The following FAM13A variants were observed in gnomAD, a reference collection of about 807,000 sequenced individuals.
FAM13A encodes the protein family with sequence similarity 13 member A.
Under a neutral mutation model 129.6 loss-of-function variants are expected in FAM13A, and 76 were observed. That is an observed-to-expected ratio of 0.59 (90% CI 0.49 to 0.71). FAM13A has a LOEUF of 0.71. Among genes scored for constraint, FAM13A ranks in the 30% least tolerant of loss-of-function variants. The pLI, the probability that FAM13A is intolerant of heterozygous loss-of-function variation, is 0.00. For synonymous variants in FAM13A, 443 were observed against 449.9 expected, an observed-to-expected ratio of 0.98 and a Z score of 0.20; for missense variants, 1,108 against 1,249.3, an observed-to-expected ratio of 0.89 and a Z score of 1.70.
intron 11 of FAM13A, among the ~76,000 whole-genome samples, chr4:88,769,436 T>C (rs557344990): frequency 1.4e-4 from 21 of 152,350 alleles, no homozygotes; most frequent in African/African-American, 5.0e-4. Context: ...TTGCCAATTA[T>C]ATGACCCTAC....
intron 6 of FAM13A, among the ~76,000 whole-genome samples, chr4:88,876,677 T>C (rs192751260): frequency 2.8e-4 from 43 of 152,196 alleles, no homozygotes; most frequent in African/African-American, 5.1e-4. Flanking sequence ...CTGCAAGCTC[T>C]GCCTCCCGAG....
At position 88,945,990 on chromosome 4, in the gene FAM13A, G is replaced by GTATATATATATA. The variant is rs199936059; in HGVS notation, c.606-7761_606-7750dup. Among the ~76,000 whole-genome samples the GTATATATATATA allele has an allele frequency of 4.5e-3, 278 of 61,648 alleles. 5 individuals are homozygous for GTATATATATATA. The highest frequency in any genetic ancestry group is 0.02 in the Middle Eastern group (2 of 100). 40.4% of individuals were successfully genotyped at this position (61,648 alleles called of 152,430 possible). A position where few individuals can be genotyped will look rare whatever the true frequency, so the allele number is the denominator to read the frequency against. On this transcript the variant is annotated intron_variant, in intron 4 of 23. Transcript: ENST00000264344. ...TGTGTGTGTGTGTGTGTGTGTGTGTGTATATATATATATATATATATATAT... is the reference window on the plus strand; with the variant it reads ...TGTGTGTGTGTGTGTGTGTGTGTGTGTATATATATATATATATATATATATATATATATATAT...
intron 1 of FAM13A, among the ~76,000 whole-genome samples, chr4:89,042,933 CA>C (rs773785759): frequency 4.9e-4 from 74 of 152,118 alleles, no homozygotes; most frequent in Non-Finnish European, 8.7e-4. Flanking sequence ...CTATTAAAGA[CA>C]AATCCAATAA....
chr4:88,999,542 C>G (rs1230127818), intron 3 of FAM13A, among the ~76,000 whole-genome samples: 1 of 152,126 alleles, frequency 6.6e-6, no homozygotes, highest in Non-Finnish European at 1.5e-5. Flanking sequence ...TTAAATGGGC[C>G]AAGTACAGTA....
chr4:88,973,172 T>G (rs1354945886), intron 4 of FAM13A, among the ~76,000 whole-genome samples: 1 of 151,664 alleles, frequency 6.6e-6, no homozygotes, highest in Non-Finnish European at 1.5e-5. Context: ...CTTGGTATTC[T>G]CTGAGCTTAT....
At chr4:88,870,657 G>A (rs1008423761) in intron 6 of FAM13A, among the ~76,000 whole-genome samples, 38 of 151,700 alleles carry the variant, frequency 2.5e-4, no homozygotes, top group Admixed American at 2.4e-3. Context: ...GGAGCCTACC[G>A]CAGCCTGCCT....
intron 7 of FAM13A, among the ~76,000 whole-genome samples, chr4:88,848,487 C>T (rs1347073707): frequency 5.3e-5 from 8 of 152,178 alleles, no homozygotes; most frequent in Non-Finnish European, 2.9e-5. Flanking sequence ...AACTCCAACC[C>T]TTTCTGGACC....
At chr4:88,888,101 T>C (rs891225276) in intron 6 of FAM13A, among the ~76,000 whole-genome samples, 4 of 152,202 alleles carry the variant, frequency 2.6e-5, no homozygotes, top group African/African-American at 7.2e-5. Context: ...GCTCAAAGCA[T>C]ATGATGCTCA....
intron 22 of FAM13A, chr4:88,731,752 C>CT (rs1196752295): frequency 2.5e-5 from 13 of 524,826 alleles, no homozygotes; most frequent in Middle Eastern, 4.8e-4. Context: ...CTGTGATGTA[C>CT]AGAACCACAC....
At chr4:88,940,078 A>G (rs149656355) in intron 4 of FAM13A, among the ~76,000 whole-genome samples, 317 of 152,298 alleles carry the variant, frequency 2.1e-3, no homozygotes, top group Non-Finnish European at 4.1e-3. Context: ...TTAAGCCACT[A>G]AATGTGTGGT....
intron 1 of FAM13A, among the ~76,000 whole-genome samples, chr4:89,053,960 T>C (rs1014994965): frequency 1.3e-5 from 2 of 152,028 alleles, no homozygotes; most frequent in Non-Finnish European, 2.9e-5. Context: ...AAAGTGACAT[T>C]TAAAATTAGA....
intron 4 of FAM13A, among the ~76,000 whole-genome samples, chr4:88,945,996 A>ATGTG (rs1437977608): frequency 4.7e-5 from 1 of 21,500 alleles, no homozygotes; most frequent in East Asian, 1.3e-3. Context: ...GTGTGTATAT[A>ATGTG]TATATATATA....
Position 89,020,525 on chromosome 4 carries a change from A to G in FAM13A, c.362T>C (p.Leu121Pro), listed in dbSNP as rs1767121368. Residue 121 changes from leucine (L) to proline (P), a missense_variant, in exon 3 of 24, where the codon CTG becomes CCG. This residue lies in a region of FAM13A where 566 missense variants were observed against 595.7 expected (regional missense o/e 0.95). Transcript: ENST00000264344. Reference sequence around the variant, plus strand: ...GATCAGACTGTCAGGCAGCTCCCTCAGAAACAGCTTCAACAGACTGGCTGC... The same window carrying G: ...GATCAGACTGTCAGGCAGCTCCCTCGGAAACAGCTTCAACAGACTGGCTGC... Reference protein sequence around the residue: ...CSAASLLKLFLRELPDSLITS... With the variant: ...CSAASLLKLFPRELPDSLITS... The G allele has an allele frequency of 6.2e-7, 1 of 1,614,136 alleles. No individual in the cohort carries two copies. The highest frequency in any genetic ancestry group is 1.1e-5 in the South Asian group (1 of 91,080).
At chr4:88,822,950 A>G (rs1732309347) in intron 7 of FAM13A, 1 of 1,610,494 alleles carries the variant, frequency 6.2e-7, no homozygotes, top group East Asian at 2.2e-5. Context: ...TACATAGCAG[A>G]ATAAAATAAA....
intron 6 of FAM13A, among the ~76,000 whole-genome samples, chr4:88,881,095 C>A (rs920501430): frequency 1.2e-4 from 19 of 152,210 alleles, no homozygotes; most frequent in African/African-American, 4.1e-4. Context: ...TGGCGCTGCC[C>A]ACCGCCTAAT....
chr4:89,026,928 G>C (rs962434706), intron 2 of FAM13A, among the ~76,000 whole-genome samples: 1 of 152,124 alleles, frequency 6.6e-6, no homozygotes, highest in South Asian at 2.1e-4. Context: ...AAGTTGATAG[G>C]AACATGTGAT....
At chr4:88,841,308 AC>A (rs939166908) in intron 7 of FAM13A, among the ~76,000 whole-genome samples, 15 of 152,102 alleles carry the variant, frequency 9.9e-5, no homozygotes, top group Admixed American at 6.5e-5. Flanking sequence ...AGCCTGACCA[AC>A]ATGGTGAAAC....
intron 7 of FAM13A, among the ~76,000 whole-genome samples, chr4:88,813,354 A>G (rs1427587633): frequency 6.6e-6 from 1 of 152,166 alleles, no homozygotes; most frequent in African/African-American, 2.4e-5. Flanking sequence ...ACATAAAAAC[A>G]TTGTCTTAGG....
At chr4:88,872,433 T>C (rs1349078283) in intron 6 of FAM13A, among the ~76,000 whole-genome samples, 4 of 152,084 alleles carry the variant, frequency 2.6e-5, no homozygotes, top group African/African-American at 7.2e-5. Flanking sequence ...AATAAAGGGA[T>C]GGAGGAAGAT....
Sources: allele counts gnomAD v4.1 joint callset (sites outside exome capture counted in the v4.1 genomes callset), GRCh38; gene constraint gnomAD v4.1.1; regional missense constraint gnomAD v4.1.1; transcripts MANE v1.5; gene names NCBI Gene and HGNC (gene_info 2026-07-23, HGNC 2026-07-21).